The following LAMP5 variants were observed in gnomAD, a reference collection of about 807,000 sequenced individuals.
LAMP5 encodes the protein lysosome associated membrane protein 5.
In LAMP5, 36 loss-of-function variants were observed where a neutral mutation model predicts 30.2. That is an observed-to-expected ratio of 1.19 (90% CI 0.91 to 1.57). The LOEUF is 1.57. Among genes scored for constraint, LAMP5 ranks in the 40% most tolerant of loss-of-function variants. LAMP5 has a pLI of 0.00. For missense variants in LAMP5, 377 were observed against 354.9 expected, an observed-to-expected ratio of 1.06 and a Z score of -0.50; for synonymous variants, 149 against 134.6, an observed-to-expected ratio of 1.11 and a Z score of -0.74.
chr20:9,515,111 C>A (rs567177513), intron 1 of LAMP5, 195 bp downstream of exon 1: 3 of 624,598 alleles, frequency 4.8e-6, no homozygotes, highest in East Asian at 5.5e-5. Flanking sequence ...GAGCCATACA[C>A]CTCTGTGGCA....
Position 9,514,707 on chromosome 20 carries a change from G to C in LAMP5, c.-146G>C. 1.5e-6 allele frequency: 1 copy of C among 665,558 alleles called. No individual in the cohort carries two copies. The allele number at this position is 665,558 out of a possible 1,614,324, so 41.2% of individuals were successfully genotyped here. ...GCTCGACACCGAGTCCTAGCTAGGCGCTCACAGAATACGCGCTCCCTCCCT... is the reference window on the plus strand; with the variant it reads ...GCTCGACACCGAGTCCTAGCTAGGCCCTCACAGAATACGCGCTCCCTCCCT... On this transcript the variant is annotated 5_prime_UTR_variant, in exon 1 of 6. Transcript: ENST00000246070.
intron 5 of LAMP5, among the ~76,000 whole-genome samples, chr20:9,524,613 A>AAAAC (rs957478427): frequency 7.2e-4 from 105 of 146,408 alleles, no homozygotes; most frequent in African/African-American, 2.3e-3. Context: ...AAAAAAAAAA[A>AAAAC]AAACAAACAA....
At chr20:9,516,215 C>A (rs763014235) in intron 3 of LAMP5, 41 bp from the exon 4 acceptor site, 1 of 1,605,318 alleles carries the variant, frequency 6.2e-7, no homozygotes, top group African/African-American at 1.4e-5. Context: ...AGAACCCAGA[C>A]GCTGCGGGGA....
intron 1 of LAMP5, 197 bp downstream of exon 1, chr20:9,515,113 T>A: frequency 1.6e-6 from 1 of 621,948 alleles, no homozygotes; most frequent in South Asian, 2.0e-5. Flanking sequence ...GCCATACACC[T>A]CTGTGGCATA....
In LAMP5 at chr20:9,518,240, G is replaced by A; in HGVS notation, c.664+12G>A. ...TGTCTTCAGTGAAGGTAAGTTGTTG[G>A]GGGATGGAGGGGAAGAAGACCTAGT... On this transcript the variant is annotated intron_variant, in intron 5 of 5. Coordinates refer to ENST00000246070, the MANE Select transcript of LAMP5 (RefSeq NM_012261.4). 1 of 1,612,262 alleles carries A rather than the reference G, an allele frequency of 6.2e-7. No homozygotes were observed. Among genetic ancestry groups the A allele is most frequent in the East Asian group, 2.2e-5 (1 of 44,848 alleles).
chr20:9,527,362 T>C (rs2045121429), intron 5 of LAMP5, among the ~76,000 whole-genome samples: 1 of 152,180 alleles, frequency 6.6e-6, no homozygotes, highest in African/African-American at 2.4e-5. Context: ...CAGATAATCT[T>C]TGTGCTTAGA....
At chr20:9,522,014 A>G (rs1342552640) in intron 5 of LAMP5, among the ~76,000 whole-genome samples, 1 of 152,234 alleles carries the variant, frequency 6.6e-6, no homozygotes, top group African/African-American at 2.4e-5. Context: ...TGAGATCCCC[A>G]TTTACAGTGG....
intron 4 of LAMP5, among the ~76,000 whole-genome samples, chr20:9,517,132 T>G (rs2045046332): frequency 6.6e-6 from 1 of 152,362 alleles, no homozygotes; most frequent in South Asian, 2.1e-4. Context: ...ATCTTTCCCT[T>G]TTCACCCCTT....
At position 9,529,982 on chromosome 20, in the gene LAMP5, C is replaced by A; in HGVS notation, c.*162C>A. On this transcript the variant is annotated 3_prime_UTR_variant, in exon 6 of 6. Coordinates refer to ENST00000246070, the MANE Select transcript of LAMP5 (RefSeq NM_012261.4). ...TGGCTTGTGTCCATGCTTAAACCCA[C>A]GGAAGGGGGAGACTCTTTCGGATTT... 3 of 595,760 alleles carry A rather than the reference C, an allele frequency of 5.0e-6. No individual in the cohort carries two copies. The highest frequency in any genetic ancestry group is 3.0e-5 in the South Asian group (1 of 33,544). The allele number at this position is 595,760 out of a possible 1,614,324, so 36.9% of individuals were successfully genotyped here. A position where few individuals can be genotyped will look rare whatever the true frequency, so the allele number is the denominator to read the frequency against.
intron 5 of LAMP5, among the ~76,000 whole-genome samples, chr20:9,518,435 C>A (rs2045057868): frequency 2.0e-5 from 3 of 152,194 alleles, no homozygotes; most frequent in South Asian, 2.1e-4. Context: ...TTCTCCCTCC[C>A]AGCCTCCTCC....
rs190346260 is a variant in LAMP5, at chr20:9,530,049, G to A, written c.*229G>A. On this transcript the variant is annotated 3_prime_UTR_variant, in exon 6 of 6. Coordinates refer to ENST00000246070, the MANE Select transcript of LAMP5 (RefSeq NM_012261.4). Reference sequence around the variant, plus strand: ...ATTATTCTCTCCATGCTGGGGAGGAGGGGAGGAGGGTCTCAGACAGCTTTC... The same window carrying A: ...ATTATTCTCTCCATGCTGGGGAGGAAGGGAGGAGGGTCTCAGACAGCTTTC... 7.3e-4 allele frequency: 302 copies of A among 411,086 alleles called. No homozygotes were observed. Among genetic ancestry groups the A allele is most frequent in the African/African-American group, 5.3e-3 (267 of 50,630 alleles). The allele number at this position is 411,086 out of a possible 1,614,324, so 25.5% of individuals were successfully genotyped here.
intron 5 of LAMP5, among the ~76,000 whole-genome samples, chr20:9,520,264 G>A (rs2045070326): frequency 6.6e-6 from 1 of 152,250 alleles, no homozygotes; most frequent in South Asian, 2.1e-4. Context: ...CTGGGAGGTG[G>A]CAAGCCTCAT....
At chr20:9,526,886 A>ATATG (rs1313216134) in intron 5 of LAMP5, among the ~76,000 whole-genome samples, 41 of 140,532 alleles carry the variant, frequency 2.9e-4, no homozygotes, top group Admixed American at 5.0e-4. Flanking sequence ...ATATATATAT[A>ATATG]TATATATATA....
intron 5 of LAMP5, among the ~76,000 whole-genome samples, chr20:9,520,578 C>CGTGTGT (rs34089408): frequency 2.8e-5 from 4 of 144,422 alleles, no homozygotes; most frequent in South Asian, 2.3e-4. Context: ...TCCGTGTGTT[C>CGTGTGT]GTGTGTGTGT....
In LAMP5 at chr20:9,515,981, G is replaced by A; in HGVS notation, c.238-19G>A. ...GGGGCCGGGCGAGCTGAGGGGGCGC[G>A]GGGCGTCTGTGTTCCCAGCTGATCA... is the stretch of plus-strand genomic sequence containing the variant. On this transcript the variant is annotated intron_variant, in intron 2 of 5. Transcript: ENST00000246070. 1 of 1,486,910 alleles carries A rather than the reference G, an allele frequency of 6.7e-7. No homozygotes were observed. The highest frequency in any genetic ancestry group is 1.4e-5 in the African/African-American group (1 of 71,066). The allele number at this position is 1,486,910 out of a possible 1,614,324, so 92.1% of individuals were successfully genotyped here.
intron 2 of LAMP5, 121 bp downstream of exon 2, chr20:9,515,746 TC>T: frequency 8.8e-7 from 1 of 1,135,582 alleles, no homozygotes. Flanking sequence ...GGCAGGCTGC[TC>T]CCGAATGCTG....
intron 4 of LAMP5, 92 bp from the exon 5 acceptor site, chr20:9,517,948 G>C: frequency 9.2e-7 from 1 of 1,092,024 alleles, no homozygotes; most frequent in Non-Finnish European, 1.3e-6. Flanking sequence ...GAGGGGTGTG[G>C]TGTCTGGAAC....
intron 5 of LAMP5, among the ~76,000 whole-genome samples, chr20:9,525,267 C>T (rs2045105021): frequency 1.3e-5 from 2 of 151,948 alleles, no homozygotes; most frequent in African/African-American, 2.4e-5. Flanking sequence ...CCAAAGACTC[C>T]CATATTTAAA....
intron 5 of LAMP5, among the ~76,000 whole-genome samples, chr20:9,523,679 G>A (rs547127382): frequency 2.6e-5 from 4 of 152,228 alleles, no homozygotes; most frequent in African/African-American, 9.6e-5. Flanking sequence ...CCTGTTGTGT[G>A]TACTCTAGAG....
Sources: gnomAD v4.1 joint callset for allele counts (sites outside exome capture counted in the v4.1 genomes callset) on GRCh38, gnomAD v4.1.1 for gene constraint, MANE v1.5 for transcripts, NCBI Gene and HGNC (gene_info 2026-07-23, HGNC 2026-07-21) for gene names.